CCDC192: variants seen among roughly 807,000 people sequenced by gnomAD.
CCDC192 encodes coiled-coil domain-containing protein 192.
In CCDC192 at chr5:127,839,551, A is replaced by G. The variant is rs1750190024; in HGVS notation, c.412-35987A>G. On this transcript the variant is annotated intron_variant, in intron 5 of 6. Coordinates refer to ENST00000514853, the MANE Select transcript of CCDC192 (RefSeq NM_001317938.2). ...ATAATGAATACAGGTCAACTTTTAAATCACAAAATAAAAATAATCATTGGT... is the reference window on the plus strand; with the variant it reads ...ATAATGAATACAGGTCAACTTTTAAGTCACAAAATAAAAATAATCATTGGT... 2.6e-5 allele frequency among the ~76,000 whole-genome samples: 4 copies of G among 152,202 alleles called. No homozygotes were observed. In the South Asian group the frequency reaches 8.3e-4, roughly 31 times the overall value.
intron 3 of CCDC192, chr5:127,786,947 G>T: frequency 2.5e-6 from 1 of 396,478 alleles, no homozygotes. Context: ...TGTGCCACAT[G>T]TACACCTGCT....
chr5:127,910,912 G>C (rs1211096747), intron 6 of CCDC192, among the ~76,000 whole-genome samples: 6 of 152,068 alleles, frequency 3.9e-5, no homozygotes, highest in Non-Finnish European at 7.4e-5. Flanking sequence ...CAGAATGTGA[G>C]TTTCCTGTAG....
intron 6 of CCDC192, among the ~76,000 whole-genome samples, chr5:127,911,726 C>T (rs1251073275): frequency 3.1e-5 from 4 of 128,780 alleles, no homozygotes; most frequent in Non-Finnish European, 1.6e-5. Context: ...TTTTTACAGA[C>T]AGGGTGGTGT....
At chr5:127,801,915 C>CT (rs1157480876) in intron 5 of CCDC192, among the ~76,000 whole-genome samples, 2 of 152,176 alleles carry the variant, frequency 1.3e-5, no homozygotes, top group Non-Finnish European at 2.9e-5. Flanking sequence ...TGTTGGCTAC[C>CT]TAAGTTAGGT....
chr5:127,717,467 GGTA>G (rs2067241), intron 2 of CCDC192, among the ~76,000 whole-genome samples: 57,803 of 151,494 alleles, frequency 0.38, 11,264 homozygotes, highest in Middle Eastern at 0.44. Context: ...TGCATAGAAA[GGTA>G]GTAGTAATAG....
At chr5:127,703,672 TG>T (rs1263872355) in intron 1 of CCDC192, among the ~76,000 whole-genome samples, 165 bp downstream of exon 1, 3 of 152,236 alleles carry the variant, frequency 2.0e-5, no homozygotes, top group African/African-American at 4.8e-5. Flanking sequence ...TGAAAGCTGC[TG>T]TCTTCCCAGA....
chr5:127,792,951 A>G (rs542781997), intron 3 of CCDC192, among the ~76,000 whole-genome samples: 1 of 152,272 alleles, frequency 6.6e-6, no homozygotes, highest in African/African-American at 2.4e-5. Context: ...AGATAAAACA[A>G]TCACCAAACT....
At chr5:127,888,911 A>G (rs1307806872) in intron 6 of CCDC192, among the ~76,000 whole-genome samples, 1 of 152,218 alleles carries the variant, frequency 6.6e-6, no homozygotes, top group Non-Finnish European at 1.5e-5. Context: ...TGTAAGTCCC[A>G]AGAGAGAGTC....
intron 3 of CCDC192, among the ~76,000 whole-genome samples, chr5:127,779,421 A>G (rs530692248): frequency 1.7e-3 from 259 of 151,986 alleles, no homozygotes; most frequent in African/African-American, 5.2e-3. Flanking sequence ...TCAGCCTCCC[A>G]AGTAGCTGGG....
At chr5:127,760,285 T>C (rs1007379213) in intron 3 of CCDC192, among the ~76,000 whole-genome samples, 1 of 147,850 alleles carries the variant, frequency 6.8e-6, no homozygotes, top group Admixed American at 6.7e-5. Flanking sequence ...TTTTACATCA[T>C]TAACTAAAGA....
At chr5:127,795,738 G>C (rs1170114713) in intron 3 of CCDC192, among the ~76,000 whole-genome samples, 1 of 152,032 alleles carries the variant, frequency 6.6e-6, no homozygotes, top group African/African-American at 2.4e-5. Context: ...CTGCCACCAA[G>C]CCTGGCTAAT....
At chr5:127,913,637 A>C (rs1457125104) in intron 6 of CCDC192, among the ~76,000 whole-genome samples, 1 of 152,262 alleles carries the variant, frequency 6.6e-6, no homozygotes, top group East Asian at 1.9e-4. Context: ...ATCCCTGGAG[A>C]TAAAGAGGAA....
intron 6 of CCDC192, among the ~76,000 whole-genome samples, chr5:127,880,498 T>C (rs1273823977): frequency 6.7e-6 from 1 of 149,422 alleles, no homozygotes. Context: ...ATATACCTAA[T>C]GCTAGATGAC....
chr5:127,791,873 G>A (rs1472778832), intron 3 of CCDC192, among the ~76,000 whole-genome samples: 1 of 152,194 alleles, frequency 6.6e-6, no homozygotes, highest in Admixed American at 6.5e-5. Flanking sequence ...TCTTCAGGAA[G>A]CCCAGAGAGC....
chr5:127,751,520 T>C (rs1442395903), intron 2 of CCDC192, among the ~76,000 whole-genome samples: 4 of 152,306 alleles, frequency 2.6e-5, no homozygotes, highest in Non-Finnish European at 2.9e-5. Flanking sequence ...GAGGGTAACG[T>C]GACCTTTCTC....
chr5:127,845,059 A>G (rs1750472625), intron 5 of CCDC192, among the ~76,000 whole-genome samples: 1 of 152,250 alleles, frequency 6.6e-6, no homozygotes, highest in Non-Finnish European at 1.5e-5. Context: ...AATAACCCTG[A>G]GATACTAAGA....
chr5:127,784,777 C>T (rs1423078813), intron 3 of CCDC192: 1 of 493,946 alleles, frequency 2.0e-6, no homozygotes, highest in East Asian at 5.1e-5. Flanking sequence ...TCAAAACCTT[C>T]CTCATCTTCA....
chr5:127,797,930 A>C (rs758253169), intron 4 of CCDC192, among the ~76,000 whole-genome samples, 176 bp from the exon 5 acceptor site: 1 of 151,702 alleles, frequency 6.6e-6, no homozygotes, highest in African/African-American at 2.4e-5. Flanking sequence ...CTTTCATAGA[A>C]TGGAAGAGAA....
At chr5:127,755,904 G>T (rs1011382429) in intron 3 of CCDC192, among the ~76,000 whole-genome samples, 1 of 151,818 alleles carries the variant, frequency 6.6e-6, no homozygotes, top group Non-Finnish European at 1.5e-5. Flanking sequence ...AGGCTGAGGC[G>T]GGTGGATCAC....
Sources: allele counts gnomAD v4.1 joint callset (sites outside exome capture counted in the v4.1 genomes callset), GRCh38; gene constraint gnomAD v4.1.1; transcripts MANE v1.5; gene names NCBI Gene and HGNC (gene_info 2026-07-23, HGNC 2026-07-21).